Variants in TCAF1 observed in about 807,000 individuals in gnomAD.
The protein encoded by TCAF1 is TRPM8 channel-associated factor 1.
Under a neutral mutation model 27.3 loss-of-function variants are expected in TCAF1, and 4 were observed. That is an observed-to-expected ratio of 0.15 (90% CI 0.07 to 0.34). TCAF1 has a LOEUF of 0.34. Ranked by LOEUF, TCAF1 falls within the 10% of genes least tolerant of loss-of-function variation. TCAF1 has a pLI of 1.00. For missense variants in TCAF1, 257 were observed against 425.8 expected (o/e 0.60, Z 3.49); for synonymous variants, 105 against 167.1 (o/e 0.63, Z 2.87).
intron 1 of TCAF1, among the ~76,000 whole-genome samples, chr7:143,879,558 T>C (rs1303923835): frequency 6.6e-6 from 1 of 152,186 alleles, no homozygotes; most frequent in African/African-American, 2.4e-5. Context: ...CCCAACAACC[T>C]TTCTTCTAAT....
At chr7:143,878,846 T>C (rs547235755) in intron 1 of TCAF1, among the ~76,000 whole-genome samples, 15 of 152,334 alleles carry the variant, frequency 9.8e-5, no homozygotes, top group Non-Finnish European at 2.1e-4. Flanking sequence ...CACACTGCCA[T>C]TAACCTAGTT....
rs1199652919 is a variant in TCAF1, at chr7:143,851,433, AAATT to A, written c.*2696_*2699del. The stretch of plus-strand genomic sequence containing the variant: ...CAAAGTAATACATGCACAAGGTAAA[AAATT>A]AAATAGTACAGAAGGACTTAAAATG... On this transcript the variant is annotated 3_prime_UTR_variant, in exon 9 of 9. Transcript: ENST00000479870. 1 of 152,286 alleles carries A rather than the reference AAATT, an allele frequency of 6.6e-6. No homozygotes were observed. The highest frequency in any genetic ancestry group is 1.5e-5 in the Non-Finnish European group (1 of 68,058). 9.4% of individuals were successfully genotyped at this position (152,286 alleles called of 1,614,324 possible).
At chr7:143,890,750 C>A (rs1337748719) in intron 1 of TCAF1, among the ~76,000 whole-genome samples, 1 of 152,138 alleles carries the variant, frequency 6.6e-6, no homozygotes, top group African/African-American at 2.4e-5. Context: ...CCAGGTGGAG[C>A]TCAAAGGGCA....
chr7:143,891,490 T>C (rs1190439586), intron 1 of TCAF1, among the ~76,000 whole-genome samples: 1 of 152,048 alleles, frequency 6.6e-6, no homozygotes, highest in Non-Finnish European at 1.5e-5. Context: ...TGGTACTTAA[T>C]AGATTGCTTT....
chr7:143,886,919 C>T (rs1813437585), intron 1 of TCAF1, among the ~76,000 whole-genome samples: 2 of 144,952 alleles, frequency 1.4e-5, no homozygotes, highest in Non-Finnish European at 3.0e-5. Context: ...GTTGCCCAGA[C>T]TGGTCTTGAA....
rs1811277798 is a variant in TCAF1, at chr7:143,851,429, T to TA, written c.*2703dup. ...TTTTCAAAGTAATACATGCACAAGG[T>TA]AAAAAATTAAATAGTACAGAAGGAC... On this transcript the variant is annotated 3_prime_UTR_variant, in exon 9 of 9. Coordinates refer to ENST00000479870, the MANE Select transcript of TCAF1 (RefSeq NM_014719.3). The TA allele has an allele frequency of 1.3e-5, 2 of 152,284 alleles. No homozygotes were observed. Among genetic ancestry groups the TA allele is most frequent in the South Asian group, 2.1e-4 (1 of 4,836 alleles). The allele number at this position is 152,284 out of a possible 1,614,324, so 9.4% of individuals were successfully genotyped here. A position where few individuals can be genotyped will look rare whatever the true frequency, so the allele number is the denominator to read the frequency against.
rs1281627093 is a variant in TCAF1, at chr7:143,860,021, T to TATATATATAATATATA, written c.2167+186_2167+187insTATATATTATATATAT. ...TATATAATATATATATAATATATAT[T>TATATATATAATATATA]ATATATTATATATATAATATATAAT... is the stretch of plus-strand genomic sequence containing the variant. On this transcript the variant is annotated intron_variant, in intron 6 of 8. Transcript: ENST00000479870. 1.3e-3 allele frequency among the ~76,000 whole-genome samples: 42 copies of TATATATATAATATATA among 32,716 alleles called. 2 individuals are homozygous for TATATATATAATATATA. Among genetic ancestry groups the TATATATATAATATATA allele is most frequent in the Non-Finnish European group, 2.1e-3 (36 of 17,252 alleles). The allele number at this position is 32,716 out of a possible 152,430, so 21.5% of individuals were successfully genotyped here.
chr7:143,852,231 A>G lies in TCAF1; in HGVS notation c.*1902T>C, dbSNP rs2116657913. The stretch of plus-strand genomic sequence containing the variant: ...GTCTTTCTTTTTTCTTGACTAAATA[A>G]TCTTCTCAAGCATCCCAGCTCTTCA... On this transcript the variant is annotated 3_prime_UTR_variant, in exon 9 of 9. Coordinates refer to ENST00000479870, the MANE Select transcript of TCAF1 (RefSeq NM_014719.3). 1 of 151,978 alleles carries G rather than the reference A, an allele frequency of 6.6e-6. No homozygotes were observed. The highest frequency in any genetic ancestry group is 2.1e-4 in the South Asian group (1 of 4,796). The allele number at this position is 151,978 out of a possible 1,614,324, so 9.4% of individuals were successfully genotyped here.
chr7:143,887,446 G>A (rs1813460940), intron 1 of TCAF1, among the ~76,000 whole-genome samples: 1 of 152,184 alleles, frequency 6.6e-6, no homozygotes, highest in Non-Finnish European at 1.5e-5. Context: ...GGAAGTGGGG[G>A]AGGGTTGAGC....
At position 143,885,336 on chromosome 7, in the gene TCAF1, C is replaced by G. The variant is rs920652245; in HGVS notation, c.-14-8714G>C. On this transcript the variant is annotated intron_variant, in intron 1 of 8. Transcript: ENST00000479870. ...TGGTAGTGAAGTGGCTAGGAGGAGG[C>G]GTGTGGGGGGAGGTGGGCTGCAGTG... The G allele has an allele frequency of 1.5e-4, 144 of 984,104 alleles. 1 individual carries two copies. Among genetic ancestry groups the G allele is most frequent in the Non-Finnish European group, 1.7e-4 (140 of 829,724 alleles). The allele number at this position is 984,104 out of a possible 1,614,324, so 61.0% of individuals were successfully genotyped here. A position where few individuals can be genotyped will look rare whatever the true frequency, so the allele number is the denominator to read the frequency against.
At chr7:143,875,326 C>A (rs1379805688) in intron 2 of TCAF1, among the ~76,000 whole-genome samples, 4 of 152,164 alleles carry the variant, frequency 2.6e-5, no homozygotes, top group Admixed American at 1.3e-4. Context: ...CACCTACTGA[C>A]CTGCTATCTG....
Position 143,881,315 on chromosome 7 carries a change from C to G in TCAF1, c.-14-4693G>C, listed in dbSNP as rs141911803. On this transcript the variant is annotated intron_variant, in intron 1 of 8. Transcript: ENST00000479870. ...GAGGGTATAAGGGTAAACCCAGGAT[C>G]ATTTTTTCAGCAACTAGCTAGCCTG... Among the ~76,000 whole-genome samples, 328 of 152,298 alleles carry G rather than the reference C, an allele frequency of 2.2e-3. 2 individuals are homozygous for G. The highest frequency in any genetic ancestry group is 7.6e-3 in the African/African-American group (314 of 41,564).
At chr7:143,859,916 G>GTATAATATATATTATAT (rs1811822783) in intron 6 of TCAF1, among the ~76,000 whole-genome samples, 3 of 32,362 alleles carry the variant, frequency 9.3e-5, no homozygotes, top group East Asian at 1.3e-3. Flanking sequence ...ATATATTACG[G>GTATAATATATATTATAT]AATATATATT....
chr7:143,897,647 T>G (rs1351015586), intron 1 of TCAF1, among the ~76,000 whole-genome samples: 1 of 152,144 alleles, frequency 6.6e-6, no homozygotes, highest in Non-Finnish European at 1.5e-5. Flanking sequence ...GATACATTCA[T>G]GTATATGTGA....
Position 143,858,381 on chromosome 7 carries a change from G to GA in TCAF1, c.2505+442dup, listed in dbSNP as rs1186147762. On this transcript the variant is annotated intron_variant, in intron 7 of 8. Coordinates refer to ENST00000479870, the MANE Select transcript of TCAF1 (RefSeq NM_014719.3). ...TGAGAAGATGGTACATTCATCTAAGGAAAAAAAAAATAAGTCATATCCTAT... is the reference window on the plus strand; with the variant it reads ...TGAGAAGATGGTACATTCATCTAAGGAAAAAAAAAAATAAGTCATATCCTAT... Among the ~76,000 whole-genome samples the GA allele has an allele frequency of 3.4e-4, 36 of 104,974 alleles. No individual in the cohort carries two copies. In the South Asian group the frequency reaches 4.8e-3, roughly 14 times the overall value. 68.9% of individuals were successfully genotyped at this position (104,974 alleles called of 152,430 possible). A position where few individuals can be genotyped will look rare whatever the true frequency, so the allele number is the denominator to read the frequency against.
intron 1 of TCAF1, chr7:143,885,601 TG>T: frequency 1.0e-6 from 1 of 966,578 alleles, no homozygotes; most frequent in South Asian, 4.8e-5. Flanking sequence ...TAAATAATGA[TG>T]ATCTCTGTGT....
intron 1 of TCAF1, among the ~76,000 whole-genome samples, chr7:143,883,500 CTTTT>C (rs374825743): frequency 4.0e-4 from 39 of 98,070 alleles, no homozygotes; most frequent in East Asian, 2.5e-3. Context: ...TTTCCTTTTT[CTTTT>C]TTTTTTTTTT....
chr7:143,886,700 CTTTTTTT>C (rs11398264), intron 1 of TCAF1, among the ~76,000 whole-genome samples: 68 of 89,164 alleles, frequency 7.6e-4, no homozygotes, highest in Admixed American at 1.1e-3. Context: ...CAAATTTTAC[CTTTTTTT>C]TTTTTTTTTT....
At chr7:143,890,454 T>C (rs561654591) in intron 1 of TCAF1, among the ~76,000 whole-genome samples, 20 of 152,196 alleles carry the variant, frequency 1.3e-4, no homozygotes, top group Non-Finnish European at 2.2e-4. Context: ...AATTTTTAAT[T>C]CCATTATTCC....
Sources: gnomAD v4.1 joint callset for allele counts (sites outside exome capture counted in the v4.1 genomes callset) on GRCh38, gnomAD v4.1.1 for gene constraint, MANE v1.5 for transcripts, NCBI Gene and HGNC (gene_info 2026-07-23, HGNC 2026-07-21) for gene names.